GHITM: variants seen among roughly 807,000 people sequenced by gnomAD.
GHITM encodes growth hormone-inducible transmembrane protein.
In GHITM, 24 loss-of-function variants were observed where a neutral mutation model predicts 38.7. The ratio of observed to expected loss-of-function variants is 0.62; its 90% CI spans 0.45 to 0.87. The LOEUF is 0.87. GHITM is among the 40% of genes least tolerant of loss of function. GHITM has a pLI of 0.00. For missense variants in GHITM, 420 were observed against 429.8 expected (o/e 0.98, Z 0.20); for synonymous variants, 154 against 147.8 (o/e 1.04, Z -0.30).
chr10:84,140,875 C>G (rs1841499503), intron 1 of GHITM, among the ~76,000 whole-genome samples: 1 of 152,076 alleles, frequency 6.6e-6, no homozygotes, highest in African/African-American at 2.4e-5. Flanking sequence ...TATAGTAGGA[C>G]ATATAGAATA....
chr10:84,144,899 T>G lies in GHITM; in HGVS notation c.366T>G (p.Asp122Glu). ...GAATTTGGCCTCAGTATGTCAAGGA[T>G]AGAATTCATTCCACCTATATGTACT... ...KAVIWPQYVK[D>E]RIHSTYMYLA... The change falls in exon 5 of 9, where the codon GAT becomes GAG. Residue 122 changes from aspartate (D) to glutamate (E), a missense_variant. Asp to Glu is a conservative substitution (Grantham distance 45). Transcript: ENST00000372134. 6.2e-7 allele frequency: 1 copy of G among 1,601,684 alleles called. No individual in the cohort carries two copies. The highest frequency in any genetic ancestry group is 2.2e-5 in the East Asian group (1 of 44,520).
intron 6 of GHITM, 144 bp downstream of exon 6, chr10:84,148,982 T>G (rs1011424716): frequency 1.6e-6 from 1 of 626,740 alleles, no homozygotes; most frequent in Non-Finnish European, 2.9e-6. Context: ...GGCTGCATTA[T>G]TGCCAGACCT....
In GHITM at chr10:84,152,741, C is replaced by T. The variant is rs1463847465; in HGVS notation, c.*393C>T. Reference sequence around the variant, plus strand: ...GAGTGCAGAATATTGTAATTAATGTCATAAGTGATTTGGAGCTTTGGTAAA... The same window carrying T: ...GAGTGCAGAATATTGTAATTAATGTTATAAGTGATTTGGAGCTTTGGTAAA... On this transcript the variant is annotated 3_prime_UTR_variant, in exon 9 of 9. Coordinates refer to ENST00000372134, the MANE Select transcript of GHITM (RefSeq NM_014394.3). 1.3e-5 allele frequency: 2 copies of T among 158,116 alleles called. No homozygotes were observed. Among genetic ancestry groups the T allele is most frequent in the Admixed American group, 6.5e-5 (1 of 15,474 alleles). 9.8% of individuals were successfully genotyped at this position (158,116 alleles called of 1,614,324 possible). A position where few individuals can be genotyped will look rare whatever the true frequency, so the allele number is the denominator to read the frequency against.
In GHITM at chr10:84,150,220, G is replaced by T. The variant is rs1194271863; in HGVS notation, c.758G>T (p.Gly253Val). The T allele has an allele frequency of 6.2e-7, 1 of 1,609,850 alleles. No homozygotes were observed. The highest frequency in any genetic ancestry group is 8.5e-7 in the Non-Finnish European group (1 of 1,177,928). ...NMGAPLGVGL[G>V]LVFVSSLGSM... is the part of the protein sequence containing the mutation. ...GGTGCACCCCTGGGAGTGGGCCTGG[G>T]TCTCGTCTTTGTGTCCTCATTGGGT... The change falls in exon 7 of 9, where the codon GGT becomes GTT. Residue 253 changes from glycine to valine, a missense_variant. Coordinates refer to ENST00000372134, the MANE Select transcript of GHITM (RefSeq NM_014394.3).
intron 4 of GHITM, 46 bp from the exon 5 acceptor site, chr10:84,144,829 A>G: frequency 1.4e-6 from 2 of 1,449,212 alleles, no homozygotes; most frequent in Non-Finnish European, 1.9e-6. Context: ...TCAACCAGAA[A>G]TCAAATCTGT....
At chr10:84,143,359 G>A (rs1237741431) in intron 3 of GHITM, among the ~76,000 whole-genome samples, 2 of 152,170 alleles carry the variant, frequency 1.3e-5, no homozygotes, top group Admixed American at 1.3e-4. Flanking sequence ...ATTTCTTTCT[G>A]ATTTGACCCT....
rs1841561050 is a variant in GHITM at position 84,146,844 on chromosome 10, G to A, written c.483+1828G>A. 2.0e-5 allele frequency among the ~76,000 whole-genome samples: 3 copies of A among 152,302 alleles called. No homozygotes were observed. The South Asian group carries it at 6.2e-4, about 32-fold the overall frequency. On this transcript the variant is annotated intron_variant, in intron 5 of 8. Transcript: ENST00000372134. ...AGACAAGTGTTACAGAGATGAAGAT[G>A]TAACCTTTTGGGTGTGACAGACATA...
chr10:84,143,974 A>G (rs1215693211), intron 3 of GHITM, 21 bp from the exon 4 acceptor site: 1 of 1,515,016 alleles, frequency 6.6e-7, no homozygotes, highest in Non-Finnish European at 9.2e-7. Flanking sequence ...ACTAACCTGC[A>G]TTTCCTTCTG....
chr10:84,148,045 A>ATATTT (rs1460557908), intron 5 of GHITM, among the ~76,000 whole-genome samples: 25 of 152,218 alleles, frequency 1.6e-4, no homozygotes. Flanking sequence ...ATACAAAAAT[A>ATATTT]TATTTTTTAA....
At chr10:84,144,786 A>G in intron 4 of GHITM, 89 bp from the exon 5 acceptor site, 1 of 739,088 alleles carries the variant, frequency 1.4e-6, no homozygotes, top group South Asian at 2.1e-5. Context: ...GTGTAAAATG[A>G]TTTATCCCGA....
chr10:84,145,876 G>A (rs1841552154), intron 5 of GHITM, among the ~76,000 whole-genome samples: 1 of 152,122 alleles, frequency 6.6e-6, no homozygotes, highest in African/African-American at 2.4e-5. Context: ...GGTTGTTGAA[G>A]GCTAACATGT....
intron 8 of GHITM, among the ~76,000 whole-genome samples, chr10:84,152,009 T>C (rs1024623163): frequency 6.6e-6 from 1 of 152,202 alleles, no homozygotes; most frequent in Non-Finnish European, 1.5e-5. Flanking sequence ...TGCAAGTTGA[T>C]ATATGCAGAG....
chr10:84,147,487 G>A (rs1841567379), intron 5 of GHITM, among the ~76,000 whole-genome samples: 1 of 152,168 alleles, frequency 6.6e-6, no homozygotes, highest in African/African-American at 2.4e-5. Flanking sequence ...TGAATATTTT[G>A]ATGTTCATAG....
intron 6 of GHITM, among the ~76,000 whole-genome samples, chr10:84,149,397 A>C (rs1398481153): frequency 1.3e-5 from 2 of 152,226 alleles, no homozygotes; most frequent in Non-Finnish European, 2.9e-5. Flanking sequence ...ATTCAGTATA[A>C]AGATAGCTTT....
chr10:84,150,977 G>A (rs904768789), intron 8 of GHITM, 97 bp downstream of exon 8: 36 of 789,436 alleles, frequency 4.6e-5, no homozygotes, highest in Admixed American at 3.8e-4. Context: ...TAGTTTTCTA[G>A]GGATACTGTT....
Sources: gnomAD v4.1 joint callset for allele counts (sites outside exome capture counted in the v4.1 genomes callset) on GRCh38, gnomAD v4.1.1 for gene constraint, MANE v1.5 for transcripts, NCBI Gene and HGNC (gene_info 2026-07-23, HGNC 2026-07-21) for gene names.